Variants in VPS25 observed in about 807,000 individuals in gnomAD.
VPS25 encodes the protein vacuolar protein sorting 25 homolog, also known as vacuolar protein-sorting-associated protein 25.
VPS25 carries 21 observed loss-of-function variants against 30.3 expected under a neutral mutation model. The ratio of observed to expected loss-of-function variants is 0.69; its 90% CI spans 0.49 to 1.00. The LOEUF (loss-of-function observed/expected upper bound fraction) is 1.00, where lower values mean the gene tolerates loss of function less well. VPS25 is among the 50% of genes least tolerant of loss of function. The pLI is 0.00. For synonymous variants in VPS25, 101 were observed against 88.1 expected (o/e 1.15, Z -0.82); for missense variants, 156 against 217.2 (o/e 0.72, Z 1.77).
chr17:42,778,859 C>A, intron 5 of VPS25, 98 bp from the exon 6 acceptor site: 1 of 1,065,626 alleles, frequency 9.4e-7, no homozygotes, highest in Non-Finnish European at 1.4e-6. Flanking sequence ...CTTATGCATA[C>A]CCTGCCTCTG....
intron 5 of VPS25, among the ~76,000 whole-genome samples, chr17:42,776,652 G>A (rs912201291): frequency 7.0e-6 from 1 of 143,740 alleles, no homozygotes; most frequent in Non-Finnish European, 1.5e-5. Flanking sequence ...GTGAGCCACT[G>A]TGCCCCGCCT....
At position 42,773,853 on chromosome 17, in the gene VPS25, G is replaced by A; in HGVS notation, c.174G>A (p.Pro58=). The A allele has an allele frequency of 6.2e-7, 1 of 1,613,748 alleles. No individual in the cohort carries two copies. Among genetic ancestry groups the A allele is most frequent in the Non-Finnish European group, 8.5e-7 (1 of 1,180,026 alleles). ...SMTVMEAQES[P]LFNNVKLQRK... is the part of the protein sequence containing the mutation. ...CGGTGATGGAAGCTCAGGAGAGCCCGCTCTTCAACAACGTCAAGCTACAGC... is the reference window on the plus strand; with the variant it reads ...CGGTGATGGAAGCTCAGGAGAGCCCACTCTTCAACAACGTCAAGCTACAGC... Residue 58 remains proline (P), a synonymous_variant, in exon 2 of 6, where the codon CCG becomes CCA. Transcript: ENST00000253794.
In VPS25 at chr17:42,773,742, G is replaced by T. The variant is rs761772786; in HGVS notation, c.63G>T (p.Pro21=). The T allele has an allele frequency of 8.7e-6, 14 of 1,613,870 alleles. No homozygotes were observed. The East Asian group carries it at 2.0e-4, about 23-fold the overall frequency. The change falls in exon 2 of 6, where the codon CCG becomes CCT. Residue 21 remains proline (P), a synonymous_variant. Transcript: ENST00000253794. Reference sequence around the variant, plus strand: ...TCCCTTCACCCGGCAGGTTACAACCGAATGTGGACACTCGGCAGAAGCAGC... The same window carrying T: ...TCCCTTCACCCGGCAGGTTACAACCTAATGTGGACACTCGGCAGAAGCAGC... ...YRFPPFFTLQ[P]NVDTRQKQLA... is the part of the protein sequence containing the mutation.
chr17:42,775,068 AAGGT>A (rs1324562101), intron 3 of VPS25: 5 of 363,978 alleles, frequency 1.4e-5, no homozygotes, highest in Non-Finnish European at 2.5e-5. Flanking sequence ...GTGGGGAGAT[AAGGT>A]CTCACTCTGT....
Position 42,774,675 on chromosome 17 carries a change from G to A in VPS25, c.229G>A (p.Val77Ile). 6.2e-7 allele frequency: 1 copy of A among 1,613,318 alleles called. No homozygotes were observed. Residue 77 changes from valine (V) to isoleucine (I), a missense_variant, in exon 3 of 6, where the codon GTA becomes ATA. Val to Ile is a conservative substitution (Grantham distance 29). Transcript: ENST00000253794. The stretch of plus-strand genomic sequence containing the variant: ...GCTTCCTGTGGAGTCGATCCAGATT[G>A]TATTAGAGGAACTGAGGAAGAAAGG... ...RKLPVESIQI[V>I]LEELRKKGNL...
chr17:42,777,193 T>C (rs562353723), intron 5 of VPS25, among the ~76,000 whole-genome samples: 1 of 152,196 alleles, frequency 6.6e-6, no homozygotes, highest in South Asian at 2.1e-4. Context: ...CACTCCAGCC[T>C]GGGCAACAGA....
intron 1 of VPS25, 59 bp from the exon 2 acceptor site, chr17:42,773,674 C>G: frequency 6.2e-7 from 1 of 1,605,104 alleles, no homozygotes. Flanking sequence ...TGAAATGCGT[C>G]CCGGGCAAGT....
chr17:42,773,739 A>G lies in VPS25; in HGVS notation c.60A>G (p.Gln20=), dbSNP rs774527415. ...CACTCCCTTCACCCGGCAGGTTACA[A>G]CCGAATGTGGACACTCGGCAGAAGC... ...QYRFPPFFTL[Q]PNVDTRQKQL... The change falls in exon 2 of 6, where the codon CAA becomes CAG. Residue 20 remains glutamine, a synonymous_variant. Transcript: ENST00000253794. 31 of 1,613,738 alleles carry G rather than the reference A, an allele frequency of 1.9e-5. No homozygotes were observed. In the Middle Eastern group the frequency reaches 2.8e-3, roughly 145 times the overall value.
In VPS25 at chr17:42,776,332, C is replaced by A; in HGVS notation, c.418+12C>A. On this transcript the variant is annotated intron_variant, in intron 5 of 5. Transcript: ENST00000253794. Reference sequence around the variant, plus strand: ...CACAGAGGATGAGGGTAATGCCTTTCCCTTCCCACTCATAGTTAATTTTTT... The same window carrying A: ...CACAGAGGATGAGGGTAATGCCTTTACCTTCCCACTCATAGTTAATTTTTT... 1 of 1,609,912 alleles carries A rather than the reference C, an allele frequency of 6.2e-7. No homozygotes were observed. Among genetic ancestry groups the A allele is most frequent in the South Asian group, 1.1e-5 (1 of 90,650 alleles).
At chr17:42,776,663 G>GTTTTTTTTTTTT (rs1205721262) in intron 5 of VPS25, among the ~76,000 whole-genome samples, 1 of 120,944 alleles carries the variant, frequency 8.3e-6, no homozygotes, top group Non-Finnish European at 1.7e-5. Context: ...TGCCCCGCCT[G>GTTTTTTTTTTTT]TTTTTTTTTT....
intron 5 of VPS25, among the ~76,000 whole-genome samples, chr17:42,777,644 C>T (rs1015266443): frequency 6.6e-6 from 1 of 152,262 alleles, no homozygotes; most frequent in African/African-American, 2.4e-5. Context: ...GACTCAGGCT[C>T]TCTTTCACCC....
At position 42,773,464 on chromosome 17, in the gene VPS25, T is replaced by A; in HGVS notation, c.-12T>A. 1 of 1,614,206 alleles carries A rather than the reference T, an allele frequency of 6.2e-7. No homozygotes were observed. The highest frequency in any genetic ancestry group is 8.5e-7 in the Non-Finnish European group (1 of 1,180,032). ...CTTAGCCGGTAGCTTCCGGGTTTCC[T>A]GGGCTACTACGATGGCGATGAGTTT... On this transcript the variant is annotated 5_prime_UTR_variant, in exon 1 of 6. Transcript: ENST00000253794.
intron 2 of VPS25, 181 bp downstream of exon 2, chr17:42,774,059 C>T (rs1198477988): frequency 2.5e-5 from 17 of 681,852 alleles, no homozygotes; most frequent in Non-Finnish European, 3.3e-5. Flanking sequence ...AGTACCATAC[C>T]CTCTTGTTCT....
intron 5 of VPS25, among the ~76,000 whole-genome samples, chr17:42,778,377 G>T (rs2054447773): frequency 6.6e-6 from 1 of 152,102 alleles, no homozygotes. Context: ...TAGAGACAGG[G>T]TTTCTCCATG....
Position 42,775,009 on chromosome 17 carries a change from AT to A in VPS25, c.253+317del, listed in dbSNP as rs910528039. 8 of 375,676 alleles carry A rather than the reference AT, an allele frequency of 2.1e-5. No homozygotes were observed. The South Asian group carries it at 4.7e-4, about 22-fold the overall frequency. 23.3% of individuals were successfully genotyped at this position (375,676 alleles called of 1,614,324 possible). A position where few individuals can be genotyped will look rare whatever the true frequency, so the allele number is the denominator to read the frequency against. ...CTCTTCCACTCTGTCCCACCTTGGT[AT>A]TTTTTTGCCTCTTTGTTTCTTTTTA... On this transcript the variant is annotated intron_variant, in intron 3 of 5. Coordinates refer to ENST00000253794, the MANE Select transcript of VPS25 (RefSeq NM_032353.4).
At chr17:42,775,883 C>T (rs748026483) in intron 4 of VPS25, among the ~76,000 whole-genome samples, 4 of 152,202 alleles carry the variant, frequency 2.6e-5, no homozygotes, top group South Asian at 2.1e-4. Context: ...ACAGAATACT[C>T]TTCCCCCTAA....
chr17:42,779,090 C>T lies in VPS25; in HGVS notation c.*21C>T, dbSNP rs1349290292. 2 of 1,602,590 alleles carry T rather than the reference C, an allele frequency of 1.2e-6. No individual in the cohort carries two copies. The highest frequency in any genetic ancestry group is 1.7e-6 in the Non-Finnish European group (2 of 1,171,496). ...TCTAGCAGGGACCTGTCTCCCTTTA[C>T]TTCTTACCTCCCACCTTTCCAGGGC... On this transcript the variant is annotated 3_prime_UTR_variant, in exon 6 of 6. Coordinates refer to ENST00000253794, the MANE Select transcript of VPS25 (RefSeq NM_032353.4).
At chr17:42,774,131 C>G (rs1035320544) in intron 2 of VPS25, 69 of 414,898 alleles carry the variant, frequency 1.7e-4, no homozygotes, top group African/African-American at 1.2e-4. Context: ...AAGCCAAGTT[C>G]CAAGTTTTTT....
At chr17:42,777,369 G>T (rs2143965467) in intron 5 of VPS25, among the ~76,000 whole-genome samples, 1 of 152,268 alleles carries the variant, frequency 6.6e-6, no homozygotes, top group East Asian at 1.9e-4. Flanking sequence ...ACAAAAATTA[G>T]CCGGGCATGG....
Sources: gnomAD v4.1 joint callset for allele counts (sites outside exome capture counted in the v4.1 genomes callset) on GRCh38, gnomAD v4.1.1 for gene constraint, MANE v1.5 for transcripts, NCBI Gene and HGNC (gene_info 2026-07-23, HGNC 2026-07-21) for gene names.